The following CENPM variants were observed in gnomAD, a reference collection of about 807,000 sequenced individuals.
The protein encoded by CENPM is centromere protein M.
In CENPM, 14 loss-of-function variants were observed where a neutral mutation model predicts 19.6. That is an observed-to-expected ratio of 0.71 (90% confidence interval 0.47 to 1.11). The LOEUF (loss-of-function observed/expected upper bound fraction) is 1.11, where lower values mean the gene tolerates loss of function less well. Among genes scored for constraint, CENPM ranks in the 50% most tolerant of loss-of-function variants. The pLI is 0.00. For missense variants in CENPM, 239 were observed against 228.4 expected, an observed-to-expected ratio of 1.05 and a Z score of -0.30; for synonymous variants, 114 against 101.5, an observed-to-expected ratio of 1.12 and a Z score of -0.74.
At chr22:41,946,675 G>A (rs2077808031) in intron 1 of CENPM, 179 bp from the exon 2 acceptor site, 2 of 612,546 alleles carry the variant, frequency 3.3e-6, no homozygotes, top group Admixed American at 2.9e-5. Flanking sequence ...GTTTGGACCC[G>A]CTGCAGGCCT....
At chr22:41,936,884 G>A (rs1039131014), downstream of CENPM, among the ~76,000 whole-genome samples, 15 of 152,168 alleles carry the variant, frequency 9.9e-5, no homozygotes, top group Non-Finnish European at 1.8e-4. Flanking sequence ...TTGAGATCAC[G>A]CCACTGCACT....
At chr22:41,937,016 C>A (rs1173009837), downstream of CENPM, among the ~76,000 whole-genome samples, 2 of 152,252 alleles carry the variant, frequency 1.3e-5, no homozygotes, top group African/African-American at 4.8e-5. Context: ...CATCCTGAGG[C>A]CTGAGGCTGG....
the CENPM span, among the ~76,000 whole-genome samples, chr22:41,930,800 A>T: frequency 3.5e-5 from 5 of 143,652 alleles, no homozygotes; most frequent in Non-Finnish European, 7.6e-5. Context: ...GATTACAGGC[A>T]TGAGCCACCA....
At chr22:41,940,503 A>C (rs1043697632) in intron 5 of CENPM, among the ~76,000 whole-genome samples, 1 of 152,232 alleles carries the variant, frequency 6.6e-6, no homozygotes, top group Admixed American at 6.5e-5. Context: ...CTTGTGCTTC[A>C]GCCCCCTGAG....
downstream of CENPM, among the ~76,000 whole-genome samples, chr22:41,934,711 A>G (rs955339661): frequency 3.3e-5 from 5 of 152,330 alleles, no homozygotes; most frequent in Admixed American, 1.3e-4. Flanking sequence ...CCAGTCCTCA[A>G]CTAGCTAGGA....
rs371594427 is a variant in CENPM, at chr22:41,947,003, G to A, written c.57+17C>T. 16 of 1,612,114 alleles carry A rather than the reference G, an allele frequency of 9.9e-6. No homozygotes were observed. In the African/African-American group the frequency reaches 2.0e-4, roughly 20 times the overall value. ...GGAGGAAAAACCGGCGGGGGAAGCA[G>A]GGCCGCCTGCACCTACCAAGATGGT... On this transcript the variant is annotated intron_variant, in intron 1 of 5. Coordinates refer to ENST00000215980, the MANE Select transcript of CENPM (RefSeq NM_024053.5).
rs537310434 is a variant in CENPM at position 41,946,041 on chromosome 22, G to A, written c.138-36C>T. 18 of 1,548,340 alleles carry A rather than the reference G, an allele frequency of 1.2e-5. No individual in the cohort carries two copies. In the East Asian group the frequency reaches 3.1e-4, roughly 27 times the overall value. Reference sequence around the variant, plus strand: ...GGAAATTGCAGGACTCAAGATATCCGTACCCCCCTCATAGCGACCGTTTAA... The same window carrying A: ...GGAAATTGCAGGACTCAAGATATCCATACCCCCCTCATAGCGACCGTTTAA... On this transcript the variant is annotated intron_variant, in intron 2 of 5. Transcript: ENST00000215980.
At chr22:41,945,806 A>T in intron 3 of CENPM, 107 bp downstream of exon 3, 1 of 838,122 alleles carries the variant, frequency 1.2e-6, no homozygotes, top group Non-Finnish European at 1.9e-6. Flanking sequence ...GACCTCAGCC[A>T]GCCTCTCCCA....
At chr22:41,943,788 C>A in intron 4 of CENPM, 87 bp from the exon 5 acceptor site, 1 of 1,176,584 alleles carries the variant, frequency 8.5e-7, no homozygotes. Context: ...ACTCACTTCC[C>A]CACTCTGGGG....
chr22:41,940,325 G>A (rs545201874), intron 5 of CENPM: 8 of 594,378 alleles, frequency 1.3e-5, no homozygotes, highest in Admixed American at 2.7e-5. Flanking sequence ...GACACGCCAC[G>A]CCTCCACTTT....
At chr22:41,940,527 A>G (rs1475968111) in intron 5 of CENPM, among the ~76,000 whole-genome samples, 2 of 152,144 alleles carry the variant, frequency 1.3e-5, no homozygotes, top group Non-Finnish European at 2.9e-5. Context: ...CTGGGATTAC[A>G]GGTGTGTGCC....
chr22:41,935,507 C>G (rs1268367657), downstream of CENPM, among the ~76,000 whole-genome samples: 2 of 152,206 alleles, frequency 1.3e-5, no homozygotes, highest in Non-Finnish European at 2.9e-5. Context: ...GGCTGGCCTT[C>G]CGGGCTCTGC....
intron 5 of CENPM, among the ~76,000 whole-genome samples, chr22:41,942,394 T>G (rs905710294): frequency 2.6e-5 from 4 of 152,124 alleles, no homozygotes; most frequent in Admixed American, 2.0e-4. Context: ...GAGGATCGCT[T>G]GAGGCCAGGA....
In CENPM at chr22:41,943,505, G is replaced by C. The variant is rs1208946385; in HGVS notation, c.402+105C>G. On this transcript the variant is annotated intron_variant, in intron 5 of 5. Transcript: ENST00000215980. ...CTCCCCTTCAGGAGCTGCCTCGCTC[G>C]GATACTAAGTCCTTCGATAAGCATT... 6.3e-5 allele frequency: 60 copies of C among 959,398 alleles called. 1 individual carries two copies. The South Asian group carries it at 1.0e-3, about 16-fold the overall frequency. The allele number at this position is 959,398 out of a possible 1,614,324, so 59.4% of individuals were successfully genotyped here.
the CENPM span, among the ~76,000 whole-genome samples, chr22:41,931,353 C>T: frequency 6.6e-6 from 1 of 151,512 alleles, no homozygotes; most frequent in African/African-American, 2.4e-5. Flanking sequence ...GTAGCTGGCG[C>T]CTGTAATCCC....
In CENPM at chr22:41,945,985, G is replaced by C; in HGVS notation, c.158C>G (p.Pro53Arg). Residue 53 changes from proline to arginine, a missense_variant, in exon 3 of 6, where the codon CCT (proline) becomes CGT (arginine). Transcript: ENST00000215980. ...ELKVHLAKSL[P>R]LPSSVNRPRI... ...GGGCCGATTCACACTGGAGGGCAAA[G>C]GGAGGGACTTTGCCAAGTGGCTGAA... The C allele has an allele frequency of 6.2e-7, 1 of 1,613,984 alleles. No homozygotes were observed.
intron 5 of CENPM, among the ~76,000 whole-genome samples, 184 bp from the exon 6 acceptor site, chr22:41,939,380 A>G (rs1300765712): frequency 6.6e-6 from 1 of 152,204 alleles, no homozygotes; most frequent in East Asian, 1.9e-4. Context: ...CAACTGCCTC[A>G]GCTTGCCCAA....
At position 41,939,170 on chromosome 22, in the gene CENPM, C is replaced by T. The variant is rs549021345; in HGVS notation, c.429G>A (p.Ala143=). 2.2e-5 allele frequency: 35 copies of T among 1,612,080 alleles called. No homozygotes were observed. The highest frequency in any genetic ancestry group is 2.6e-5 in the Non-Finnish European group (31 of 1,179,598). Residue 143 remains alanine (A), a synonymous_variant, in exon 6 of 6, where the codon GCG becomes GCA. Coordinates refer to ENST00000215980, the MANE Select transcript of CENPM (RefSeq NM_024053.5). ...TCTGCAGCACGCGCACCAGGCGCTG[C>T]GCCATGGTGGCCCTAAAGCCTTCCA... ...LEVEGFRATM[A]QRLVRVLQIC...
At chr22:41,943,812 T>C in intron 4 of CENPM, 111 bp from the exon 5 acceptor site, 1 of 895,170 alleles carries the variant, frequency 1.1e-6, no homozygotes, top group Non-Finnish European at 1.7e-6. Flanking sequence ...AGTTTCTTTC[T>C]AGTCGCGAGG....
Sources: gnomAD v4.1 joint callset for allele counts (sites outside exome capture counted in the v4.1 genomes callset) on GRCh38, gnomAD v4.1.1 for gene constraint, MANE v1.5 for transcripts, NCBI Gene and HGNC (gene_info 2026-07-23, HGNC 2026-07-21) for gene names.